EPS15L1: variants seen among roughly 807,000 people sequenced by gnomAD.
EPS15L1 encodes the protein epidermal growth factor receptor substrate 15-like 1.
A neutral mutation model predicts 117.1 loss-of-function variants in EPS15L1; 43 were observed. That is an observed-to-expected ratio of 0.37 (90% CI 0.29 to 0.47). The LOEUF (loss-of-function observed/expected upper bound fraction) is 0.47. Among genes scored for constraint, EPS15L1 ranks in the 20% least tolerant of loss-of-function variants. EPS15L1 has a pLI of 0.99. For synonymous variants in EPS15L1, 459 were observed against 470.5 expected (o/e 0.98, Z 0.32); for missense variants, 981 against 1,164.0 (o/e 0.84, Z 2.29).
chr19:16,400,819 G>C (rs2092593179), intron 16 of EPS15L1: 1 of 985,254 alleles, frequency 1.0e-6, no homozygotes, highest in African/African-American at 1.7e-5. Flanking sequence ...GGAGTTGGGG[G>C]AATCACTGGC....
chr19:16,408,022 T>C (rs1486505018), intron 13 of EPS15L1, among the ~76,000 whole-genome samples: 1 of 152,166 alleles, frequency 6.6e-6, no homozygotes, highest in African/African-American at 2.4e-5. Flanking sequence ...GAGCTGGGGA[T>C]GTGGGTGGCC....
At chr19:16,415,558 C>G (rs141062545) in intron 12 of EPS15L1, among the ~76,000 whole-genome samples, 7 of 152,354 alleles carry the variant, frequency 4.6e-5, no homozygotes, top group African/African-American at 1.4e-4. Context: ...GCTCTTTAAA[C>G]TGAAGGACCT....
At position 16,381,841 on chromosome 19, in the gene EPS15L1, G is replaced by A. The variant is rs977256923; in HGVS notation, c.2247+3288C>T. Among the ~76,000 whole-genome samples the A allele has an allele frequency of 6.6e-6, 1 of 152,200 alleles. No individual in the cohort carries two copies. The highest frequency in any genetic ancestry group is 1.5e-5 in the Non-Finnish European group (1 of 68,032). On this transcript the variant is annotated intron_variant, in intron 21 of 23. Coordinates refer to ENST00000455140, the MANE Select transcript of EPS15L1 (RefSeq NM_001258374.3). This position sits in a 1 kb window ranked among gnomAD's most constrained non-coding sequence, Gnocchi z 4.2. Reference sequence around the variant, plus strand: ...GGCCTAGGGCCCGTGCGAGTCCCCCGCGGCCTGGGATGGGGAGCCAAGCAG... The same window carrying A: ...GGCCTAGGGCCCGTGCGAGTCCCCCACGGCCTGGGATGGGGAGCCAAGCAG...
chr19:16,373,498 A>T (rs1323917912), intron 22 of EPS15L1, among the ~76,000 whole-genome samples: 2 of 151,496 alleles, frequency 1.3e-5, no homozygotes, highest in African/African-American at 4.8e-5. Flanking sequence ...AAAAAAAAAA[A>T]TTCACAGATT....
chr19:16,465,037 C>T (rs987793996), intron 1 of EPS15L1, among the ~76,000 whole-genome samples: 1 of 151,760 alleles, frequency 6.6e-6, no homozygotes, highest in African/African-American at 2.4e-5. Flanking sequence ...CGAAATTGCA[C>T]CACTGCACTC....
At position 16,417,995 on chromosome 19, in the gene EPS15L1, G is replaced by A. The variant is rs1322901178; in HGVS notation, c.1060C>T (p.Leu354Phe). 26 of 1,614,192 alleles carry A rather than the reference G, an allele frequency of 1.6e-5. No homozygotes were observed. The highest frequency in any genetic ancestry group is 2.1e-5 in the Non-Finnish European group (25 of 1,180,036). The change falls in exon 11 of 24, where the codon CTC (leucine) becomes TTC (phenylalanine). Residue 354 changes from leucine to phenylalanine, a missense_variant. Transcript: ENST00000455140. Reference sequence around the variant, plus strand: ...GAAGGCGGGACCATGTCCGGCGAGAGGACTTGAGGAGGGTCGATGCCTTTA... The same window carrying A: ...GAAGGCGGGACCATGTCCGGCGAGAAGACTTGAGGAGGGTCGATGCCTTTA... ...VSKGIDPPQV[L>F]SPDMVPPSER... is the part of the protein sequence containing the mutation.
At chr19:16,357,090 G>A (rs934356429) in intron 23 of EPS15L1, 23 of 152,674 alleles carry the variant, frequency 1.5e-4, no homozygotes, top group African/African-American at 5.5e-4. Context: ...AGGCTCTCGA[G>A]GAGGGCCCTG....
chr19:16,392,309 A>G lies in EPS15L1; in HGVS notation c.2098T>C (p.Ser700Pro). 6.2e-7 allele frequency: 1 copy of G among 1,613,958 alleles called. No individual in the cohort carries two copies. The highest frequency in any genetic ancestry group is 8.5e-7 in the Non-Finnish European group (1 of 1,179,860). ...CAACGTCCCACCCCACTCACCTTCG[A>G]AGGTAAGGAAGGGTTTTTCGTGAAT... ...DPFTKNPSLP[S>P]KLDPFESSDP... Residue 700 changes from serine (S) to proline (P), a missense_variant, in exon 19 of 24, where the codon TCG (serine) becomes CCG (proline). This residue lies in a region of EPS15L1 where 819 missense variants were observed against 949.0 expected (regional missense o/e 0.86). Coordinates refer to ENST00000455140, the MANE Select transcript of EPS15L1 (RefSeq NM_001258374.3).
chr19:16,455,888 T>C (rs2093190441), intron 1 of EPS15L1, among the ~76,000 whole-genome samples: 2 of 151,670 alleles, frequency 1.3e-5, no homozygotes, highest in African/African-American at 4.9e-5. Flanking sequence ...GCTACTGACC[T>C]CCCCCCACCC....
intron 23 of EPS15L1, chr19:16,361,454 C>CA (rs2092049647): frequency 1.1e-5 from 6 of 535,130 alleles, no homozygotes; most frequent in Non-Finnish European, 1.5e-5. Flanking sequence ...TCTTGGCTTC[C>CA]AAAAACCAGT....
chr19:16,393,061 T>C (rs912177869), intron 18 of EPS15L1, among the ~76,000 whole-genome samples: 2 of 147,422 alleles, frequency 1.4e-5, no homozygotes, highest in African/African-American at 5.0e-5. Flanking sequence ...AAATAAAATA[T>C]CCTGCAGGAG....
intron 21 of EPS15L1, among the ~76,000 whole-genome samples, chr19:16,380,590 C>A (rs1220986376): frequency 6.6e-6 from 1 of 152,056 alleles, no homozygotes; most frequent in African/African-American, 2.4e-5. Flanking sequence ...GTCACACAGA[C>A]GCAGCCATCT....
Position 16,404,744 on chromosome 19 carries a change from T to C in EPS15L1, c.1272A>G (p.Leu424=). The C allele has an allele frequency of 6.2e-7, 1 of 1,614,110 alleles. No homozygotes were observed. Among genetic ancestry groups the C allele is most frequent in the Non-Finnish European group, 8.5e-7 (1 of 1,179,990 alleles). Residue 424 remains leucine, a synonymous_variant, in exon 14 of 24, where the codon TTA becomes TTG. Coordinates refer to ENST00000455140, the MANE Select transcript of EPS15L1 (RefSeq NM_001258374.3). The surrounding 1 kb of genome is among the most constrained non-coding windows in gnomAD (Gnocchi z 4.2). ...IRQKTSEVQE[L]QNDLDRETSS... The stretch of plus-strand genomic sequence containing the variant: ...TTGTTTCCCGGTCTAGGTCATTTTG[T>C]AATTCCTAGGGAGGAGTTGCAGGGG...
At chr19:16,461,594 C>T (rs2093252245) in intron 1 of EPS15L1, among the ~76,000 whole-genome samples, 2 of 151,996 alleles carry the variant, frequency 1.3e-5, no homozygotes, top group Non-Finnish European at 2.9e-5. Flanking sequence ...TGCACTCCAG[C>T]CTGGGTCACA....
intron 18 of EPS15L1, among the ~76,000 whole-genome samples, chr19:16,393,691 A>AAAAT (rs778901902): frequency 5.3e-5 from 8 of 150,722 alleles, no homozygotes; most frequent in African/African-American, 1.7e-4. Flanking sequence ...ATAAATAAAT[A>AAAAT]AAATAAATAA....
chr19:16,403,314 G>A (rs552985830), intron 15 of EPS15L1, among the ~76,000 whole-genome samples: 111 of 152,196 alleles, frequency 7.3e-4, no homozygotes, highest in Non-Finnish European at 1.2e-3. Flanking sequence ...GCTCCAGGGT[G>A]GCGCCTCCTG....
In EPS15L1 at chr19:16,412,835, G is replaced by A. The variant is rs148294866; in HGVS notation, c.1266+938C>T. 3,682 of 523,402 alleles carry A rather than the reference G, an allele frequency of 7.0e-3. 27 individuals carry two copies. Among genetic ancestry groups the A allele is most frequent in the Non-Finnish European group, 0.011 (2,986 of 274,220 alleles). The allele number at this position is 523,402 out of a possible 1,614,324, so 32.4% of individuals were successfully genotyped here. A position where few individuals can be genotyped will look rare whatever the true frequency, so the allele number is the denominator to read the frequency against. ...GGACAGCACCGGAGCCGGGACCAAG[G>A]CCACGGAGCTTGCAGAGGCAAGGCC... On this transcript the variant is annotated intron_variant, in intron 13 of 23. Transcript: ENST00000455140.
chr19:16,405,294 G>A lies in EPS15L1; in HGVS notation c.1267-545C>T, dbSNP rs2092645070. On this transcript the variant is annotated intron_variant, in intron 13 of 23. Coordinates refer to ENST00000455140, the MANE Select transcript of EPS15L1 (RefSeq NM_001258374.3). The surrounding 1 kb of genome is among the most constrained non-coding windows in gnomAD (Gnocchi z 4.0). ...GTGTCGCACTCCAGCTAGAGCAAAAGGGAATGGGTGGAGGCATCAGAGGCT... is the reference window on the plus strand; with the variant it reads ...GTGTCGCACTCCAGCTAGAGCAAAAAGGAATGGGTGGAGGCATCAGAGGCT... Among the ~76,000 whole-genome samples, 1 of 152,184 alleles carries A rather than the reference G, an allele frequency of 6.6e-6. No homozygotes were observed. The highest frequency in any genetic ancestry group is 2.4e-5 in the African/African-American group (1 of 41,448).
At chr19:16,441,209 G>A (rs1455096432) in intron 3 of EPS15L1, 4 of 410,736 alleles carry the variant, frequency 9.7e-6, no homozygotes, top group Admixed American at 3.6e-5. Context: ...GGTGGTTCAC[G>A]CCTGTAATCC....
Sources: gnomAD v4.1 joint callset for allele counts (sites outside exome capture counted in the v4.1 genomes callset) on GRCh38, gnomAD v4.1.1 for gene constraint, gnomAD v4.1.1 regional missense constraint, Gnocchi (gnomAD v3.1) non-coding constraint, MANE v1.5 for transcripts, NCBI Gene and HGNC (gene_info 2026-07-23, HGNC 2026-07-21) for gene names.